Variants in PRKCB observed in about 807,000 individuals in gnomAD.
PRKCB encodes the protein protein kinase C beta type.
A neutral mutation model predicts 81.5 loss-of-function variants in PRKCB; 13 were observed. The observed-to-expected ratio is 0.16, with a 90% CI of 0.10 to 0.25. PRKCB has a LOEUF of 0.25. Among genes scored for constraint, PRKCB ranks in the 10% least tolerant of loss-of-function variants. PRKCB has a pLI of 1.00. For missense variants in PRKCB, 509 were observed against 875.7 expected (o/e 0.58, Z 5.29); for synonymous variants, 335 against 321.4 (o/e 1.04, Z -0.45).
intron 9 of PRKCB, among the ~76,000 whole-genome samples, chr16:24,153,324 C>A (rs1967106734): frequency 6.6e-6 from 1 of 152,136 alleles, no homozygotes; most frequent in South Asian, 2.1e-4. Context: ...CACAATGGCA[C>A]CTACTTCCTA....
In PRKCB at chr16:24,123,888, T is replaced by C. The variant is rs780936454; in HGVS notation, c.972T>C (p.Thr324=). The C allele has an allele frequency of 1.2e-5, 19 of 1,614,156 alleles. No homozygotes were observed. Among genetic ancestry groups the C allele is most frequent in the Non-Finnish European group, 1.4e-5 (17 of 1,180,010 alleles). Residue 324 remains threonine, a synonymous_variant, in exon 9 of 17, where the codon ACT becomes ACC. Coordinates refer to ENST00000643927, the MANE Select transcript of PRKCB (RefSeq NM_002738.7). ...TKVPEEKTTN[T]VSKFDNNGNR... ...TCCCGGAAGAAAAGACGACCAACAC[T>C]GTCTCCAAATTTGACAACAATGGCA...
chr16:24,033,979 G>A lies in PRKCB; in HGVS notation c.401-1440G>A, dbSNP rs1003175472. ...ACAAGTGCAGAGAGTGGAACAGACC[G>A]ATTCACAGACACGGCCAAGGCAGTG... On this transcript the variant is annotated intron_variant, in intron 4 of 16. Coordinates refer to ENST00000643927, the MANE Select transcript of PRKCB (RefSeq NM_002738.7). 5.3e-5 allele frequency among the ~76,000 whole-genome samples: 8 copies of A among 152,174 alleles called. No individual in the cohort carries two copies. In the Middle Eastern group the frequency reaches 0.014, roughly 259 times the overall value.
chr16:24,154,037 G>A (rs422093), intron 9 of PRKCB, among the ~76,000 whole-genome samples: 55,296 of 152,066 alleles, frequency 0.36, 10,428 homozygotes, highest in South Asian at 0.47. Context: ...CAGGCTCTTG[G>A]GTTACACCAG....
chr16:24,133,632 C>T (rs1212099441), intron 9 of PRKCB, among the ~76,000 whole-genome samples: 3 of 152,224 alleles, frequency 2.0e-5, no homozygotes, highest in Non-Finnish European at 2.9e-5. Context: ...TGCCCATTAT[C>T]GCCAACGTTT....
At chr16:23,857,228 C>T (rs1479378630) in intron 2 of PRKCB, among the ~76,000 whole-genome samples, 1 of 152,156 alleles carries the variant, frequency 6.6e-6, no homozygotes, top group Non-Finnish European at 1.5e-5. Flanking sequence ...ACCTGTCACT[C>T]GGGTGAAGTG....
intron 3 of PRKCB, among the ~76,000 whole-genome samples, chr16:24,000,055 T>A (rs1965011736): frequency 6.6e-6 from 1 of 152,216 alleles, no homozygotes; most frequent in Non-Finnish European, 1.5e-5. Context: ...CTCCCAACAC[T>A]TTTTAAGCCT....
chr16:24,050,511 C>T (rs1446936015), intron 5 of PRKCB, among the ~76,000 whole-genome samples: 1 of 151,982 alleles, frequency 6.6e-6, no homozygotes, highest in Non-Finnish European at 1.5e-5. Flanking sequence ...CAAGCACAAA[C>T]TCACAAACAC....
At chr16:24,204,245 C>A (rs1968008460) in intron 16 of PRKCB, among the ~76,000 whole-genome samples, 1 of 152,044 alleles carries the variant, frequency 6.6e-6, no homozygotes, top group African/African-American at 2.4e-5. Flanking sequence ...GGTTGTATAG[C>A]TGGGAATTGT....
chr16:23,880,957 C>T (rs939166722), intron 2 of PRKCB, among the ~76,000 whole-genome samples: 8 of 152,022 alleles, frequency 5.3e-5, no homozygotes, highest in African/African-American at 9.7e-5. Context: ...CTTGGCTTGA[C>T]GATCTTTAAC....
chr16:24,014,483 C>A (rs1340735312), intron 3 of PRKCB, among the ~76,000 whole-genome samples: 1 of 152,186 alleles, frequency 6.6e-6, no homozygotes, highest in African/African-American at 2.4e-5. Flanking sequence ...GAATACCAAG[C>A]CTAACCCCTT....
At chr16:24,016,478 T>C (rs1347101298) in intron 3 of PRKCB, among the ~76,000 whole-genome samples, 2 of 152,084 alleles carry the variant, frequency 1.3e-5, no homozygotes, top group Non-Finnish European at 2.9e-5. Context: ...AAATGTTGTC[T>C]ACCAAGAAGA....
intron 9 of PRKCB, among the ~76,000 whole-genome samples, chr16:24,142,375 C>T (rs1007724673): frequency 2.0e-4 from 31 of 152,326 alleles, no homozygotes; most frequent in African/African-American, 5.5e-4. Context: ...TGATTAGCTT[C>T]GGTGCACCAA....
chr16:24,167,656 C>T (rs198208), intron 10 of PRKCB, among the ~76,000 whole-genome samples: 33,060 of 152,132 alleles, frequency 0.22, 3,752 homozygotes, highest in South Asian at 0.34. Flanking sequence ...TTCCTTCTCT[C>T]CCATCCTGGA....
intron 5 of PRKCB, among the ~76,000 whole-genome samples, chr16:24,084,263 C>CTATACTGTA (rs1966286995): frequency 6.6e-6 from 1 of 152,068 alleles, no homozygotes; most frequent in Non-Finnish European, 1.5e-5. Context: ...GGAAAAGCAT[C>CTATACTGTA]TATACTGTAT....
Position 24,124,000 on chromosome 16 carries a change from G to A in PRKCB, c.1065+19G>A. 2 of 1,613,444 alleles carry A rather than the reference G, an allele frequency of 1.2e-6. No individual in the cohort carries two copies. Among genetic ancestry groups the A allele is most frequent in the Non-Finnish European group, 1.7e-6 (2 of 1,179,614 alleles). On this transcript the variant is annotated intron_variant, in intron 9 of 16. Coordinates refer to ENST00000643927, the MANE Select transcript of PRKCB (RefSeq NM_002738.7). ...TGGCAAGGTATGGTATGATTTGGTGGCTCCACCTGCTTTGGAAGGAACATC... is the reference window on the plus strand; with the variant it reads ...TGGCAAGGTATGGTATGATTTGGTGACTCCACCTGCTTTGGAAGGAACATC...
At chr16:24,159,432 A>C (rs1245521442) in intron 10 of PRKCB, among the ~76,000 whole-genome samples, 1 of 152,178 alleles carries the variant, frequency 6.6e-6, no homozygotes, top group African/African-American at 2.4e-5. Context: ...AGCTAACAGT[A>C]ATAGGTTGGG....
chr16:24,000,644 T>C (rs117528751), intron 3 of PRKCB, among the ~76,000 whole-genome samples: 2,527 of 152,334 alleles, frequency 0.017, 29 homozygotes, highest in Non-Finnish European at 0.024. Context: ...TGAAAGCGCT[T>C]GGCACAGTGC....
At chr16:23,841,246 A>T (rs1045677015) in intron 2 of PRKCB, among the ~76,000 whole-genome samples, 1 of 151,554 alleles carries the variant, frequency 6.6e-6, no homozygotes, top group Non-Finnish European at 1.5e-5. Flanking sequence ...CGCCTGGCTA[A>T]TTTTTGTATT....
In PRKCB at chr16:24,025,035, A is replaced by G. The variant is rs978754060; in HGVS notation, c.289-7101A>G. ...TGCCTACAAGTATGATCCCTCATGA[A>G]AGCGGAGGGAGGGGAATGAGGTCAG... On this transcript the variant is annotated intron_variant, in intron 3 of 16. Coordinates refer to ENST00000643927, the MANE Select transcript of PRKCB (RefSeq NM_002738.7). Among the ~76,000 whole-genome samples, 9 of 152,124 alleles carry G rather than the reference A, an allele frequency of 5.9e-5. No homozygotes were observed. The East Asian group carries it at 1.7e-3, about 29-fold the overall frequency.
Sources: allele counts gnomAD v4.1 joint callset (sites outside exome capture counted in the v4.1 genomes callset), GRCh38; gene constraint gnomAD v4.1.1; transcripts MANE v1.5; gene names NCBI Gene and HGNC (gene_info 2026-07-23, HGNC 2026-07-21).